The following SELENON variants were observed in gnomAD, a reference collection of about 807,000 sequenced individuals.
SELENON encodes the protein selenoprotein N, also known as selenoprotein N, 1.
In SELENON, 44 loss-of-function variants were observed where a neutral mutation model predicts 59.5. The ratio of observed to expected loss-of-function variants is 0.74; its 90% CI spans 0.58 to 0.95. The LOEUF (loss-of-function observed/expected upper bound fraction) is 0.95, where lower values mean the gene tolerates loss of function less well. Ranked by LOEUF, SELENON falls within the 40% of genes least tolerant of loss-of-function variation. The pLI, the probability that SELENON is intolerant of heterozygous loss-of-function variation, is 0.00. For missense variants in SELENON, 674 were observed against 721.4 expected (o/e 0.93, Z 0.75); for synonymous variants, 320 against 305.6 (o/e 1.05, Z -0.49).
intron 6 of SELENON, 123 bp from the exon 6 acceptor site, chr1:25,809,560 C>A: frequency 7.3e-7 from 1 of 1,378,294 alleles, no homozygotes; most frequent in Non-Finnish European, 1.0e-6. Context: ...CGCTGCTGCC[C>A]ACTGGCCCAT....
intron 3 of SELENON, among the ~76,000 whole-genome samples, chr1:25,802,979 A>G (rs1265204199): frequency 2.0e-5 from 3 of 152,146 alleles, no homozygotes; most frequent in Non-Finnish European, 4.4e-5. Flanking sequence ...TCAGGGGTGT[A>G]TTGTGTAGGT....
intron 7 of SELENON, 32 bp from the exon 7 acceptor site, chr1:25,811,422 A>G (rs2047958283): frequency 6.4e-7 from 1 of 1,569,772 alleles, no homozygotes; most frequent in Non-Finnish European, 8.8e-7. Flanking sequence ...ATGGGCTTTG[A>G]TGATGGTGTC....
chr1:25,808,455 T>A (rs1167052173), intron 4 of SELENON, 125 bp from the exon 4 acceptor site: 17 of 1,081,888 alleles, frequency 1.6e-5, no homozygotes, highest in Non-Finnish European at 2.4e-5. Flanking sequence ...GGAACCTCCC[T>A]GGGGTCCATC....
At position 25,808,592 on chromosome 1, in the gene SELENON, G is replaced by A. The variant is rs199742668; in HGVS notation, c.550G>A (p.Ala184Thr). 8 of 1,613,172 alleles carry A rather than the reference G, an allele frequency of 5.0e-6. No individual in the cohort carries two copies. The highest frequency in any genetic ancestry group is 2.2e-5 in the South Asian group (2 of 91,052). Residue 184 changes from alanine (A) to threonine (T), a missense_variant, in exon 5 of 13, where the codon GCC becomes ACC. Coordinates refer to ENST00000361547, the MANE Select transcript of SELENON (RefSeq NM_020451.3). Reference sequence around the variant, plus strand: ...TCCCCCGCCCCAGGTCTCCCGCCTCGCCCTGTCCGGCCTCCGAAACTGGAC... The same window carrying A: ...TCCCCCGCCCCAGGTCTCCCGCCTCACCCTGTCCGGCCTCCGAAACTGGAC...
At chr1:25,805,826 G>A (rs2047901635) in intron 4 of SELENON, among the ~76,000 whole-genome samples, 1 of 152,132 alleles carries the variant, frequency 6.6e-6, no homozygotes, top group Non-Finnish European at 1.5e-5. Flanking sequence ...GAGGTGGACA[G>A]ATGCTCTCCT....
At chr1:25,803,140 C>CT (rs2047874194) in intron 3 of SELENON, among the ~76,000 whole-genome samples, 1 of 151,964 alleles carries the variant, frequency 6.6e-6, no homozygotes, top group Non-Finnish European at 1.5e-5. Flanking sequence ...ACAGGTCGTC[C>CT]CCTTGTGGCC....
At position 25,808,489 on chromosome 1, in the gene SELENON, C is replaced by T. The variant is rs1330991302; in HGVS notation, c.538-91C>T. Reference sequence around the variant, plus strand: ...TCTGCTCCCTTGGTGTGGGCTGGCTCGGGGCTTGAGGGAGACCTCCACCCA... The same window carrying T: ...TCTGCTCCCTTGGTGTGGGCTGGCTTGGGGCTTGAGGGAGACCTCCACCCA... On this transcript the variant is annotated intron_variant, in intron 4 of 12. Transcript: ENST00000361547. The T allele has an allele frequency of 3.0e-5, 45 of 1,480,802 alleles. No individual in the cohort carries two copies. The Admixed American group carries it at 5.7e-4, about 19-fold the overall frequency. The allele number at this position is 1,480,802 out of a possible 1,614,324, so 91.7% of individuals were successfully genotyped here.
Position 25,800,301 on chromosome 1 carries a change from C to T in SELENON, c.71C>T (p.Pro24Leu). The change falls in exon 1 of 13, where the codon CCG becomes CTG. Residue 24 changes from proline (P) to leucine (L), a missense_variant. Physicochemically the swap from Pro to Leu is moderately conservative, Grantham distance 98. Coordinates refer to ENST00000361547, the MANE Select transcript of SELENON (RefSeq NM_020451.3). ...CCCGCCGCGCAGCCTCCCGCGCCAC[C>T]GCGCCGCCGCGCCCGTTCCCTGGCG... 2.0e-6 allele frequency: 2 copies of T among 994,108 alleles called. No homozygotes were observed. The highest frequency in any genetic ancestry group is 2.4e-6 in the Non-Finnish European group (2 of 836,366). The allele number at this position is 994,108 out of a possible 1,614,324, so 61.6% of individuals were successfully genotyped here.
At chr1:25,801,286 C>G in intron 2 of SELENON, 126 bp downstream of exon 2, 1 of 767,154 alleles carries the variant, frequency 1.3e-6, no homozygotes. Flanking sequence ...CTCCTCCCAG[C>G]TCTGACACTT....
At position 25,813,965 on chromosome 1, in the gene SELENON, C is replaced by T; in HGVS notation, c.1472C>T (p.Ser491Phe). 1 of 1,614,046 alleles carries T rather than the reference C, an allele frequency of 6.2e-7. No homozygotes were observed. Among genetic ancestry groups the T allele is most frequent in the South Asian group, 1.1e-5 (1 of 91,076 alleles). The stretch of plus-strand genomic sequence containing the variant: ...AACGAGAGCTTCATCAGCACCTGGT[C>T]CCTGGTGAAGGAGCTGGAGGAACTG... Residue 491 changes from serine (S) to phenylalanine (F), a missense_variant, in exon 11 of 13, where the codon TCC becomes TTC. Coordinates refer to ENST00000361547, the MANE Select transcript of SELENON (RefSeq NM_020451.3).
At chr1:25,806,853 G>T (rs1270479379) in intron 4 of SELENON, among the ~76,000 whole-genome samples, 1 of 141,410 alleles carries the variant, frequency 7.1e-6, no homozygotes, top group Admixed American at 7.6e-5. Context: ...ACGGAGTCTC[G>T]CTCTGTCGCC....
In SELENON at chr1:25,800,382, G is replaced by A. The variant is rs1405091304; in HGVS notation, c.152G>A (p.Arg51His). ...GCCGCCGCCGTCCGGGTCTGCGCCC[G>A]CCACGCCGAGGCCCAGGCGGCCGCG... Residue 51 changes from arginine (R) to histidine (H), a missense_variant, in exon 1 of 13, where the codon CGC becomes CAC. Arg to His is a conservative substitution (Grantham distance 29). Coordinates refer to ENST00000361547, the MANE Select transcript of SELENON (RefSeq NM_020451.3). 1.8e-6 allele frequency: 2 copies of A among 1,092,828 alleles called. No homozygotes were observed. The highest frequency in any genetic ancestry group is 1.1e-6 in the Non-Finnish European group (1 of 899,880). The allele number at this position is 1,092,828 out of a possible 1,614,324, so 67.7% of individuals were successfully genotyped here.
rs766998197 is a variant in SELENON at position 25,809,016 on chromosome 1, C to T, written c.748-10C>T. The T allele has an allele frequency of 2.5e-6, 4 of 1,613,554 alleles. No homozygotes were observed. In the South Asian group the frequency reaches 4.4e-5, roughly 18 times the overall value. Reference sequence around the variant, plus strand: ...CCAGCAAGCCAGTACGTGCCTCCCGCCGCCCCCAGGTCATCATCCACCGGC... The same window carrying T: ...CCAGCAAGCCAGTACGTGCCTCCCGTCGCCCCCAGGTCATCATCCACCGGC... On this transcript the variant is annotated splice_polypyrimidine_tract_variant and intron_variant, in intron 5 of 12. Coordinates refer to ENST00000361547, the MANE Select transcript of SELENON (RefSeq NM_020451.3).
Position 25,802,014 on chromosome 1 carries a change from A to G in SELENON, c.302-2A>G. On this transcript the variant is annotated splice_acceptor_variant, in intron 2 of 12. Transcript: ENST00000361547. LOFTEE classifies it high-confidence loss of function. ...ATAACTTTTTTTTTTTTTTTGAGAC[A>G]GGGTCTTGTTCTGTCACCCAGACTG... The G allele has an allele frequency of 7.9e-6, 2 of 254,490 alleles. No individual in the cohort carries two copies. The highest frequency in any genetic ancestry group is 8.0e-6 in the Non-Finnish European group (1 of 124,270). 15.8% of individuals were successfully genotyped at this position (254,490 alleles called of 1,614,324 possible).
At chr1:25,812,923 G>A (rs574402650) in intron 10 of SELENON, 131 bp downstream of exon 9, 34 of 682,522 alleles carry the variant, frequency 5.0e-5, no homozygotes, top group African/African-American at 1.1e-4. Flanking sequence ...TGGTAGGGGC[G>A]TGGGGTGAGG....
chr1:25,812,033 C>T (rs1292497170), intron 9 of SELENON, among the ~76,000 whole-genome samples, 154 bp downstream of exon 8: 1 of 152,216 alleles, frequency 6.6e-6, no homozygotes, highest in Non-Finnish European at 1.5e-5. Context: ...CGGGGCCTCC[C>T]CGCTGCCATT....
chr1:25,814,315 T>A (rs895782365), intron 12 of SELENON, 137 bp downstream of exon 11: 1 of 731,294 alleles, frequency 1.4e-6, no homozygotes, highest in Non-Finnish European at 2.4e-6. Context: ...AGCCTCAAGC[T>A]GGTCTCTTAC....
rs1284489933 is a variant in SELENON at position 25,814,081 on chromosome 1, A to G, written c.1505A>G (p.Asn502Ser). Residue 502 changes from asparagine to serine, a missense_variant, in exon 12 of 13, where the codon AAC becomes AGC. Physicochemically the swap from Asn to Ser is conservative, Grantham distance 46. Transcript: ENST00000361547. Reference sequence around the variant, plus strand: ...AGTGTGCAACTGTCCCCACAGAACAACCAGGAGAACTCGTCCCACCAGAAG... The same window carrying G: ...AGTGTGCAACTGTCCCCACAGAACAGCCAGGAGAACTCGTCCCACCAGAAG... 1 of 1,614,040 alleles carries G rather than the reference A, an allele frequency of 6.2e-7. No homozygotes were observed. The highest frequency in any genetic ancestry group is 1.1e-5 in the South Asian group (1 of 91,084).
At chr1:25,813,036 T>C (rs1198762418) in intron 10 of SELENON, among the ~76,000 whole-genome samples, 1 of 152,184 alleles carries the variant, frequency 6.6e-6, no homozygotes, top group African/African-American at 2.4e-5. Flanking sequence ...TTGGTAACCT[T>C]GACCAAGTGT....
Sources: gnomAD v4.1 joint callset for allele counts (sites outside exome capture counted in the v4.1 genomes callset) on GRCh38, gnomAD v4.1.1 for gene constraint, MANE v1.5 for transcripts, NCBI Gene and HGNC (gene_info 2026-07-23, HGNC 2026-07-21) for gene names.